Variants in FABP6 observed in about 807,000 individuals in gnomAD.
The protein encoded by FABP6 is fatty acid binding protein 6, also known as gastrotropin.
A neutral mutation model predicts 14.9 loss-of-function variants in FABP6; 13 were observed. The observed-to-expected ratio is 0.87, with a 90% CI of 0.57 to 1.39. FABP6 has a LOEUF of 1.39. Ranked by LOEUF, FABP6 falls within the 40% of genes most tolerant of loss-of-function variation. The pLI is 0.00. For missense variants in FABP6, 161 were observed against 167.2 expected (o/e 0.96, Z 0.20); for synonymous variants, 75 against 63.6 (o/e 1.18, Z -0.85).
chr5:160,236,959 C>A (rs887229772), intron 3 of FABP6, among the ~76,000 whole-genome samples: 5 of 151,892 alleles, frequency 3.3e-5, no homozygotes, highest in African/African-American at 1.2e-4. Flanking sequence ...GCCTGGACAA[C>A]AAGAGCAAAA....
intron 3 of FABP6, among the ~76,000 whole-genome samples, chr5:160,222,636 A>G (rs780766181): frequency 2.6e-5 from 4 of 152,148 alleles, no homozygotes; most frequent in Non-Finnish European, 5.9e-5. Flanking sequence ...GCCCGGCCAC[A>G]GATTTTCTAC....
At chr5:160,212,089 G>A (rs1050863315) in intron 2 of FABP6, among the ~76,000 whole-genome samples, 1 of 150,016 alleles carries the variant, frequency 6.7e-6, no homozygotes, top group Non-Finnish European at 1.5e-5. Context: ...CTGGGTTCAA[G>A]CTATTCTCCT....
chr5:160,199,019 C>A, intron 1 of FABP6: 1 of 1,385,810 alleles, frequency 7.2e-7, no homozygotes. Flanking sequence ...AGAGCCCCTC[C>A]CAGCGTGCTG....
At chr5:160,188,283 C>T (rs1759328254) in intron 1 of FABP6, among the ~76,000 whole-genome samples, 1 of 152,178 alleles carries the variant, frequency 6.6e-6, no homozygotes, top group African/African-American at 2.4e-5. Flanking sequence ...TCCTCAGCCA[C>T]ACGCGATCAA....
chr5:160,216,375 C>T (rs6556483), intron 3 of FABP6, among the ~76,000 whole-genome samples: 92,948 of 151,506 alleles, frequency 0.61, 28,705 homozygotes, highest in African/African-American at 0.65. Context: ...TCAAGTAATT[C>T]TCCTGCCTCA....
At chr5:160,222,687 C>G (rs1216107811) in intron 3 of FABP6, among the ~76,000 whole-genome samples, 2 of 152,130 alleles carry the variant, frequency 1.3e-5, no homozygotes, top group African/African-American at 4.8e-5. Flanking sequence ...AATAAACCCC[C>G]TTTTTATTAT....
intron 1 of FABP6, among the ~76,000 whole-genome samples, chr5:160,193,442 G>A (rs1177637510): frequency 6.6e-6 from 1 of 152,078 alleles, no homozygotes; most frequent in Non-Finnish European, 1.5e-5. Flanking sequence ...GACCCGAGCG[G>A]GTTGCGACTG....
intron 1 of FABP6, among the ~76,000 whole-genome samples, chr5:160,189,479 G>A (rs1759354444): frequency 6.6e-6 from 1 of 152,254 alleles, no homozygotes. Flanking sequence ...CTGACCTCAG[G>A]TGATCCACCC....
In FABP6 at chr5:160,234,885, G is replaced by A; in HGVS notation, c.309G>A (p.Glu103=). The A allele has an allele frequency of 6.2e-7, 1 of 1,611,742 alleles. No individual in the cohort carries two copies. Residue 103 remains glutamate (E), a synonymous_variant, in exon 3 of 4, where the codon GAG becomes GAA. Coordinates refer to ENST00000402432, the MANE Select transcript of FABP6 (RefSeq NM_001445.3). ...VNFPNYHQTS[E]IVGDKLVEVS... is the part of the protein sequence containing the mutation. ...TCCCCAACTATCACCAGACCTCAGA[G>A]ATCGTGGGTGACAAGCTGGTGGAGG...
At chr5:160,190,521 C>T (rs1326018191) in intron 1 of FABP6, among the ~76,000 whole-genome samples, 1 of 152,114 alleles carries the variant, frequency 6.6e-6, no homozygotes, top group Non-Finnish European at 1.5e-5. Context: ...TGTGAGCCAC[C>T]ACGCCCAGCC....
chr5:160,228,696 C>T (rs112021644), upstream of FABP6: 55 of 374,394 alleles, frequency 1.5e-4, no homozygotes, highest in African/African-American at 2.3e-4. Flanking sequence ...CCTCCAGGTG[C>T]GCTGCCTAGG....
upstream of FABP6, among the ~76,000 whole-genome samples, chr5:160,226,762 T>G (rs1005111631): frequency 6.6e-6 from 1 of 152,216 alleles, no homozygotes; most frequent in Admixed American, 6.5e-5. Flanking sequence ...ATGTGAGCTA[T>G]TCTTGCCATT....
At chr5:160,207,420 T>A (rs2113093842) in intron 2 of FABP6, among the ~76,000 whole-genome samples, 1 of 152,312 alleles carries the variant, frequency 6.6e-6, no homozygotes, top group Non-Finnish European at 1.5e-5. Context: ...GTTATTTAGG[T>A]TTTCTGCTCT....
intron 3 of FABP6, among the ~76,000 whole-genome samples, chr5:160,217,173 C>T (rs912312093): frequency 1.6e-4 from 24 of 152,156 alleles, no homozygotes; most frequent in East Asian, 1.9e-4. Context: ...AACTGAGATG[C>T]TCCATGGGGG....
Position 160,213,921 on chromosome 5 carries a change from G to A in FABP6, c.135+102G>A, listed in dbSNP as rs550308542. 4 of 940,190 alleles carry A rather than the reference G, an allele frequency of 4.3e-6. No individual in the cohort carries two copies. The African/African-American group carries it at 4.8e-5, about 11-fold the overall frequency. The allele number at this position is 940,190 out of a possible 1,614,324, so 58.2% of individuals were successfully genotyped here. A position where few individuals can be genotyped will look rare whatever the true frequency, so the allele number is the denominator to read the frequency against. ...TTTGTGTCCTATCCCTGGGCTCCTT[G>A]AGATCCTTCTGCATTGTTAGAATAT... On this transcript the variant is annotated intron_variant, in intron 3 of 6. Transcript: ENST00000393980.
At chr5:160,211,744 T>A (rs940014160) in intron 2 of FABP6, among the ~76,000 whole-genome samples, 4 of 152,180 alleles carry the variant, frequency 2.6e-5, no homozygotes, top group African/African-American at 9.7e-5. Flanking sequence ...CCAAAAATTT[T>A]ATTTTTTGGT....
intron 1 of FABP6, chr5:160,196,761 G>C (rs1018828611): frequency 3.9e-5 from 6 of 152,252 alleles, no homozygotes; most frequent in Non-Finnish European, 8.8e-5. Flanking sequence ...TTTTAGTACA[G>C]ACGGGGTTTC....
chr5:160,192,234 CG>C (rs1372527857), intron 1 of FABP6, among the ~76,000 whole-genome samples: 7 of 151,044 alleles, frequency 4.6e-5, no homozygotes, highest in Non-Finnish European at 1.0e-4. Flanking sequence ...GCTATGTTGC[CG>C]AGGCTAATCT....
intron 3 of FABP6, among the ~76,000 whole-genome samples, chr5:160,224,301 G>A (rs1192599396): frequency 6.6e-6 from 1 of 152,080 alleles, no homozygotes; most frequent in African/African-American, 2.4e-5. Context: ...GTGAATGCCT[G>A]TGATCCTAGC....
Sources: allele counts gnomAD v4.1 joint callset (sites outside exome capture counted in the v4.1 genomes callset), GRCh38; gene constraint gnomAD v4.1.1; transcripts MANE v1.5; gene names NCBI Gene and HGNC (gene_info 2026-07-23, HGNC 2026-07-21).